The following RPL36 variants were observed in gnomAD, a reference collection of about 807,000 sequenced individuals.
The protein encoded by RPL36 is large ribosomal subunit protein eL36.
For synonymous variants in RPL36, 74 were observed against 56.0 expected (o/e 1.32, Z -1.44); for missense variants, 131 against 144.9 (o/e 0.90, Z 0.49).
Position 5,690,543 on chromosome 19 carries a change from C to G in RPL36, c.36C>G (p.Asn12Lys), listed in dbSNP as rs759897487. 8.3e-6 allele frequency: 13 copies of G among 1,568,788 alleles called. No individual in the cohort carries two copies. The highest frequency in any genetic ancestry group is 1.9e-5 in the Admixed American group (1 of 52,426). ...ALRYPMAVGL[N>K]KGHKVTKNVS... ...GCTACCCTATGGCCGTGGGCCTCAACAAGGGCCACAAAGTGACCAAGAACG... is the reference window on the plus strand; with the variant it reads ...GCTACCCTATGGCCGTGGGCCTCAAGAAGGGCCACAAAGTGACCAAGAACG... Residue 12 changes from asparagine (N) to lysine (K), a missense_variant, in exon 2 of 4, where the codon AAC becomes AAG. By Grantham distance (94) the Asn-to-Lys change is moderately conservative (BLOSUM62 0). Transcript: ENST00000347512.
rs2145571684 is a variant in RPL36 at position 5,691,682 on chromosome 19, G to C, written c.*61G>C. On this transcript the variant is annotated 3_prime_UTR_variant, in exon 4 of 4. Coordinates refer to ENST00000347512, the MANE Select transcript of RPL36 (RefSeq NM_033643.3). ...GCTTGACAGAAGCCCTGGCTCTCCT[G>C]CTGTCCGTGGGTGGGTGTGGGTGTG... is the stretch of plus-strand genomic sequence containing the variant. 1.3e-6 allele frequency: 2 copies of C among 1,513,632 alleles called. No homozygotes were observed. The highest frequency in any genetic ancestry group is 2.4e-5 in the South Asian group (2 of 83,676). 93.8% of individuals were successfully genotyped at this position (1,513,632 alleles called of 1,614,324 possible).
intron 2 of RPL36, chr19:5,690,875 G>GT (rs1297872362): frequency 8.8e-6 from 5 of 569,818 alleles, no homozygotes; most frequent in Non-Finnish European, 1.6e-5. Context: ...TGACGCAGGA[G>GT]TAGGAGTTCG....
Position 5,690,583 on chromosome 19 carries a change from C to T in RPL36, c.76C>T (p.His26Tyr). Reference sequence around the variant, plus strand: ...GACCAAGAACGTGAGCAAGCCCAGGCACAGCCGACGCCGCGGGGTGAGTGC... The same window carrying T: ...GACCAAGAACGTGAGCAAGCCCAGGTACAGCCGACGCCGCGGGGTGAGTGC... ...KVTKNVSKPR[H>Y]SRRRGRLTKH... Residue 26 changes from histidine to tyrosine, a missense_variant, in exon 2 of 4, where the codon CAC becomes TAC. Transcript: ENST00000347512. The T allele has an allele frequency of 1.3e-6, 2 of 1,568,980 alleles. No homozygotes were observed. Among genetic ancestry groups the T allele is most frequent in the Non-Finnish European group, 8.6e-7 (1 of 1,157,780 alleles).
chr19:5,690,295 C>T lies in RPL36; in HGVS notation c.-35C>T, dbSNP rs1440341348. The T allele has an allele frequency of 2.8e-5, 17 of 610,822 alleles. No individual in the cohort carries two copies. The highest frequency in any genetic ancestry group is 8.7e-4 in the Middle Eastern group (2 of 2,290). The allele number at this position is 610,822 out of a possible 1,614,324, so 37.8% of individuals were successfully genotyped here. ...TCCCGGAGTTCCGCGCGGCGCCAGCCCTTCCGCCACGGCCGTCTCTGGAGA... is the reference window on the plus strand; with the variant it reads ...TCCCGGAGTTCCGCGCGGCGCCAGCTCTTCCGCCACGGCCGTCTCTGGAGA... On this transcript the variant is annotated 5_prime_UTR_variant, in exon 1 of 4. Coordinates refer to ENST00000347512, the MANE Select transcript of RPL36 (RefSeq NM_033643.3).
chr19:5,691,168 C>A, intron 2 of RPL36, 151 bp from the exon 3 acceptor site: 2 of 1,116,934 alleles, frequency 1.8e-6, no homozygotes, highest in Non-Finnish European at 1.3e-6. Flanking sequence ...GCTCCGGGCG[C>A]GGCGAAAAGC....
In RPL36 at chr19:5,691,686, T is replaced by G; in HGVS notation, c.*65T>G. On this transcript the variant is annotated 3_prime_UTR_variant, in exon 4 of 4. Coordinates refer to ENST00000347512, the MANE Select transcript of RPL36 (RefSeq NM_033643.3). ...GACAGAAGCCCTGGCTCTCCTGCTG[T>G]CCGTGGGTGGGTGTGGGTGTGTCGG... 4.0e-6 allele frequency: 6 copies of G among 1,501,364 alleles called. No homozygotes were observed. The highest frequency in any genetic ancestry group is 5.4e-6 in the Non-Finnish European group (6 of 1,103,140). The allele number at this position is 1,501,364 out of a possible 1,614,324, so 93.0% of individuals were successfully genotyped here.
Position 5,691,671 on chromosome 19 carries a change from C to G in RPL36, c.*50C>G. 1 of 1,535,618 alleles carries G rather than the reference C, an allele frequency of 6.5e-7. No homozygotes were observed. The highest frequency in any genetic ancestry group is 8.8e-7 in the Non-Finnish European group (1 of 1,131,688). ...AATAAAGAACAGCTTGACAGAAGCC[C>G]TGGCTCTCCTGCTGTCCGTGGGTGG... On this transcript the variant is annotated 3_prime_UTR_variant, in exon 4 of 4. Coordinates refer to ENST00000347512, the MANE Select transcript of RPL36 (RefSeq NM_033643.3).
At position 5,691,796 on chromosome 19, in the gene RPL36, G is replaced by GCCCA. The variant is rs1403240387; in HGVS notation, c.*179_*182dup. ...GGTCGTGAATCAAAAGCCGTGGCCC[G>GCCCA]CCCACCCTTCCCGGGGCAGCAGGTG... On this transcript the variant is annotated 3_prime_UTR_variant, in exon 4 of 4. Transcript: ENST00000347512. 1.2e-6 allele frequency: 1 copy of GCCCA among 857,912 alleles called. No individual in the cohort carries two copies. Among genetic ancestry groups the GCCCA allele is most frequent in the African/African-American group, 1.7e-5 (1 of 59,760 alleles). 53.1% of individuals were successfully genotyped at this position (857,912 alleles called of 1,614,324 possible). A position where few individuals can be genotyped will look rare whatever the true frequency, so the allele number is the denominator to read the frequency against.
At chr19:5,690,480 C>A in intron 1 of RPL36, 26 bp from the exon 2 acceptor site, 1 of 1,524,116 alleles carries the variant, frequency 6.6e-7, no homozygotes, top group Non-Finnish European at 8.9e-7. Context: ...CTCACCTCCG[C>A]CCCTTCTCCC....
chr19:5,690,915 G>A (rs1006273770), intron 2 of RPL36: 10 of 549,110 alleles, frequency 1.8e-5, no homozygotes, highest in South Asian at 1.2e-4. Context: ...GTTGCGGTGT[G>A]TGAGGTTGAG....
intron 2 of RPL36, 196 bp from the exon 3 acceptor site, chr19:5,691,123 G>C: frequency 2.8e-6 from 2 of 717,198 alleles, no homozygotes; most frequent in South Asian, 3.5e-5. Context: ...TCCTGCCAGT[G>C]TTGCGGAGAC....
At position 5,690,588 on chromosome 19, in the gene RPL36, C is replaced by G; in HGVS notation, c.81C>G (p.Ser27Arg). Residue 27 changes from serine to arginine, a missense_variant, in exon 2 of 4, where the codon AGC (serine) becomes AGG (arginine). Physicochemically the swap from Ser to Arg is moderately radical, Grantham distance 110 (BLOSUM62 -1). Transcript: ENST00000347512. Reference protein sequence around the residue: ...VTKNVSKPRHSRRRGRLTKHT... With the variant: ...VTKNVSKPRHRRRRGRLTKHT... ...AGAACGTGAGCAAGCCCAGGCACAGCCGACGCCGCGGGGTGAGTGCGGGTG... is the reference window on the plus strand; with the variant it reads ...AGAACGTGAGCAAGCCCAGGCACAGGCGACGCCGCGGGGTGAGTGCGGGTG... 1 of 1,567,060 alleles carries G rather than the reference C, an allele frequency of 6.4e-7. No homozygotes were observed. Among genetic ancestry groups the G allele is most frequent in the Non-Finnish European group, 8.6e-7 (1 of 1,156,590 alleles).
rs564239657 is a variant in RPL36 at position 5,691,655 on chromosome 19, C to T, written c.*34C>T. The T allele has an allele frequency of 6.1e-5, 95 of 1,568,850 alleles. No individual in the cohort carries two copies. In the South Asian group the frequency reaches 8.8e-4, roughly 15 times the overall value. ...CCTGCCCTCTCCCTGAAATAAAGAA[C>T]AGCTTGACAGAAGCCCTGGCTCTCC... On this transcript the variant is annotated 3_prime_UTR_variant, in exon 4 of 4. Transcript: ENST00000347512.
chr19:5,690,734 G>GGGT (rs1469987400), intron 2 of RPL36, 134 bp downstream of exon 2: 2 of 727,810 alleles, frequency 2.7e-6, no homozygotes, highest in African/African-American at 3.5e-5. Context: ...GGAAGAGATG[G>GGGT]GGTGGGGGAG....
chr19:5,690,336 T>C lies in RPL36; in HGVS notation c.-3+9T>C. 2 of 661,954 alleles carry C rather than the reference T, an allele frequency of 3.0e-6. No homozygotes were observed. The highest frequency in any genetic ancestry group is 3.3e-5 in the South Asian group (2 of 60,526). 41.0% of individuals were successfully genotyped at this position (661,954 alleles called of 1,614,324 possible). A position where few individuals can be genotyped will look rare whatever the true frequency, so the allele number is the denominator to read the frequency against. ...TCTCTGGAGAGCAGCAGGTAAGTGG[T>C]TTCCCGCACTGCCGGTATCCGCCGC... On this transcript the variant is annotated intron_variant, in intron 1 of 3. Transcript: ENST00000347512.
rs2054799729 is a variant in RPL36, at chr19:5,690,333, T to G, written c.-3+6T>G. On this transcript the variant is annotated splice_donor_region_variant and intron_variant, in intron 1 of 3. Coordinates refer to ENST00000347512, the MANE Select transcript of RPL36 (RefSeq NM_033643.3). ...CCGTCTCTGGAGAGCAGCAGGTAAG[T>G]GGTTTCCCGCACTGCCGGTATCCGC... 3.0e-6 allele frequency: 2 copies of G among 656,366 alleles called. No individual in the cohort carries two copies. Among genetic ancestry groups the G allele is most frequent in the Non-Finnish European group, 5.6e-6 (2 of 357,978 alleles). 40.7% of individuals were successfully genotyped at this position (656,366 alleles called of 1,614,324 possible).
At chr19:5,690,712 G>C in intron 2 of RPL36, 112 bp downstream of exon 2, 10 of 860,626 alleles carry the variant, frequency 1.2e-5, no homozygotes, top group Admixed American at 8.2e-5. Flanking sequence ...CAGAACTAAG[G>C]GGGGCTTGAA....
chr19:5,690,435 A>T, intron 1 of RPL36, 71 bp from the exon 2 acceptor site: 1 of 1,198,442 alleles, frequency 8.3e-7, no homozygotes, highest in Non-Finnish European at 1.2e-6. Flanking sequence ...AGGAGCCGGG[A>T]CGCGGGGCTC....
chr19:5,691,148 G>T, intron 2 of RPL36, 171 bp from the exon 3 acceptor site: 1 of 871,246 alleles, frequency 1.1e-6, no homozygotes, highest in Non-Finnish European at 1.8e-6. Flanking sequence ...ACTTAGGGAG[G>T]ATGGGAGCTG....
Sources: allele counts gnomAD v4.1 joint callset, GRCh38; gene constraint gnomAD v4.1.1; transcripts MANE v1.5; gene names NCBI Gene and HGNC (gene_info 2026-07-23, HGNC 2026-07-21).